COL11A1: variants seen among roughly 807,000 people sequenced by gnomAD.
The protein encoded by COL11A1 is collagen type XI alpha 1 chain, also known as collagen alpha-1(XI) chain.
A neutral mutation model predicts 265.2 loss-of-function variants in COL11A1; 74 were observed. The observed-to-expected ratio is 0.28, with a 90% CI of 0.23 to 0.34. The LOEUF is 0.34. Among genes scored for constraint, COL11A1 ranks in the 10% least tolerant of loss-of-function variants. COL11A1 has a pLI of 1.00. For synonymous variants in COL11A1, 816 were observed against 727.6 expected (o/e 1.12, Z -1.96); for missense variants, 2,165 against 2,263.6 (o/e 0.96, Z 0.88).
chr1:103,011,453 AAT>A (rs1411025054), intron 14 of COL11A1, among the ~76,000 whole-genome samples: 1 of 151,956 alleles, frequency 6.6e-6, no homozygotes, highest in Non-Finnish European at 1.5e-5. Context: ...ATTCCTGCAA[AAT>A]ATATATAAAA....
chr1:103,045,635 T>C (rs1395116589), intron 4 of COL11A1, among the ~76,000 whole-genome samples: 1 of 152,150 alleles, frequency 6.6e-6, no homozygotes, highest in Non-Finnish European at 1.5e-5. Context: ...ATTATTATTA[T>C]ACTTTAAGTT....
Position 102,876,482 on chromosome 1 carries a change from C to G in COL11A1, c.*1537G>C, listed in dbSNP as rs1649520851. On this transcript the variant is annotated 3_prime_UTR_variant, in exon 67 of 67. Transcript: ENST00000370096. The stretch of plus-strand genomic sequence containing the variant: ...AAATGACCAATCCAGGTAGCCAAGA[C>G]TTGAGTTTATTTATTGGATTCATAT... 1 of 152,452 alleles carries G rather than the reference C, an allele frequency of 6.6e-6. No individual in the cohort carries two copies. The highest frequency in any genetic ancestry group is 1.5e-5 in the Non-Finnish European group (1 of 67,924). The allele number at this position is 152,452 out of a possible 1,614,324, so 9.4% of individuals were successfully genotyped here. A position where few individuals can be genotyped will look rare whatever the true frequency, so the allele number is the denominator to read the frequency against.
chr1:103,060,115 A>G (rs919199830), intron 4 of COL11A1, among the ~76,000 whole-genome samples: 4 of 151,986 alleles, frequency 2.6e-5, no homozygotes, highest in South Asian at 2.1e-4. Context: ...CCCAGAGGGG[A>G]AAAAAACCAA....
chr1:102,933,681 C>A (rs1657801180), intron 46 of COL11A1, among the ~76,000 whole-genome samples: 2 of 152,110 alleles, frequency 1.3e-5, no homozygotes, highest in Non-Finnish European at 2.9e-5. Context: ...GGGCGCCCCT[C>A]CCCCAGCCTC....
At chr1:102,951,079 A>T (rs561425431) in intron 41 of COL11A1, among the ~76,000 whole-genome samples, 1 of 152,262 alleles carries the variant, frequency 6.6e-6, no homozygotes, top group East Asian at 1.9e-4. Flanking sequence ...TCTTTCCTTT[A>T]TAAATTATCT....
chr1:102,976,491 G>T (rs536199772), intron 35 of COL11A1, among the ~76,000 whole-genome samples: 44 of 151,836 alleles, frequency 2.9e-4, no homozygotes, highest in African/African-American at 9.9e-4. Flanking sequence ...TAGAGGCAGG[G>T]TTTCACCATG....
chr1:102,949,944 A>C lies in COL11A1; in HGVS notation c.3169-2988T>G, dbSNP rs551198106. Among the ~76,000 whole-genome samples the C allele has an allele frequency of 2.0e-5, 3 of 152,218 alleles. No individual in the cohort carries two copies. The East Asian group carries it at 5.8e-4, about 29-fold the overall frequency. On this transcript the variant is annotated intron_variant, in intron 41 of 66. Transcript: ENST00000370096. ...GAAAATGCTTGTCTCCTTTATCCAAATAATCATTCTCCATCATTCATTCAG... is the reference window on the plus strand; with the variant it reads ...GAAAATGCTTGTCTCCTTTATCCAACTAATCATTCTCCATCATTCATTCAG...
At chr1:103,031,876 T>C (rs1668024377) in intron 4 of COL11A1, among the ~76,000 whole-genome samples, 2 of 151,858 alleles carry the variant, frequency 1.3e-5, no homozygotes, top group Non-Finnish European at 2.9e-5. Flanking sequence ...TTCCTAAGGA[T>C]ACATTAAACA....
chr1:102,891,644 G>C (rs974767150), intron 57 of COL11A1, among the ~76,000 whole-genome samples: 2 of 151,306 alleles, frequency 1.3e-5, no homozygotes, highest in African/African-American at 4.9e-5. Context: ...AGAGCCTGAG[G>C]TGGGAGGACC....
chr1:102,992,954 T>C (rs548026525), intron 28 of COL11A1, among the ~76,000 whole-genome samples: 8 of 152,148 alleles, frequency 5.3e-5, no homozygotes, highest in African/African-American at 1.7e-4. Flanking sequence ...CTTTCCTATG[T>C]ACAAAAAATG....
intron 4 of COL11A1, among the ~76,000 whole-genome samples, chr1:103,050,221 G>A (rs1224369987): frequency 2.6e-5 from 4 of 152,086 alleles, no homozygotes; most frequent in African/African-American, 7.2e-5. Context: ...CATTCTCCCC[G>A]TCACTTTCAG....
chr1:102,940,120 G>A (rs536463487), intron 43 of COL11A1, among the ~76,000 whole-genome samples: 222 of 152,072 alleles, frequency 1.5e-3, no homozygotes, highest in Non-Finnish European at 2.5e-3. Flanking sequence ...TGAGTTTTCT[G>A]TTTATGTATC....
Position 103,014,512 on chromosome 1 carries a change from C to T in COL11A1, c.1571G>A (p.Arg524Gln), listed in dbSNP as rs1045481406. Residue 524 changes from arginine (R) to glutamine (Q), a missense_variant and splice_region_variant, in exon 13 of 67, where the codon CGG becomes CAG. Transcript: ENST00000370096. ...GAATGCAAGTTTATCCTGTCTTACC[C>T]GAGCCTGCTGAAGAATAGCTTGAGC... ...AQAQAILQQA[R>Q]IALRGPPGPM... is the part of the protein sequence containing the mutation. 8 of 1,613,362 alleles carry T rather than the reference C, an allele frequency of 5.0e-6. No individual in the cohort carries two copies. The highest frequency in any genetic ancestry group is 1.3e-5 in the African/African-American group (1 of 74,870).
intron 1 of COL11A1, among the ~76,000 whole-genome samples, chr1:103,104,254 A>G (rs1674518913): frequency 6.6e-6 from 1 of 152,104 alleles, no homozygotes; most frequent in Non-Finnish European, 1.5e-5. Flanking sequence ...ATCAGAGTGA[A>G]GAGAATTTAT....
intron 65 of COL11A1, 70 bp downstream of exon 65, chr1:102,881,627 A>G: frequency 7.9e-7 from 1 of 1,263,486 alleles, no homozygotes; most frequent in Non-Finnish European, 1.2e-6. Context: ...GTTAAAGTCC[A>G]GAAATACATA....
rs1665441157 is a variant in COL11A1 at position 103,004,771 on chromosome 1, A to T, written c.1846-110T>A. 5.3e-6 allele frequency: 5 copies of T among 941,812 alleles called. No individual in the cohort carries two copies. In the East Asian group the frequency reaches 1.3e-4, roughly 25 times the overall value. 58.3% of individuals were successfully genotyped at this position (941,812 alleles called of 1,614,324 possible). A position where few individuals can be genotyped will look rare whatever the true frequency, so the allele number is the denominator to read the frequency against. On this transcript the variant is annotated intron_variant, in intron 18 of 66. Transcript: ENST00000370096. ...AAACAGGACATTTGGCAGGGAAAAT[A>T]TATGCTTTATTTACCCTCCTCAAAA...
chr1:102,991,402 C>A (rs193108412), intron 28 of COL11A1, among the ~76,000 whole-genome samples: 61 of 151,640 alleles, frequency 4.0e-4, no homozygotes, highest in Non-Finnish European at 2.8e-4. Flanking sequence ...CTAATCGTAT[C>A]AAATTGCTAA....
chr1:103,056,460 C>G (rs1670258809), intron 4 of COL11A1, among the ~76,000 whole-genome samples: 1 of 152,142 alleles, frequency 6.6e-6, no homozygotes, highest in South Asian at 2.1e-4. Context: ...GAGTTAAAAA[C>G]ACCAAGGAGA....
intron 4 of COL11A1, among the ~76,000 whole-genome samples, chr1:103,032,694 T>C (rs1032842125): frequency 2.6e-5 from 4 of 152,108 alleles, no homozygotes; most frequent in Admixed American, 2.0e-4. Flanking sequence ...TGTGGTGTGG[T>C]TGGCACTTAT....
Sources: allele counts gnomAD v4.1 joint callset (sites outside exome capture counted in the v4.1 genomes callset), GRCh38; gene constraint gnomAD v4.1.1; transcripts MANE v1.5; gene names NCBI Gene and HGNC (gene_info 2026-07-23, HGNC 2026-07-21).